The following LMX1B variants were observed in gnomAD, a reference collection of about 807,000 sequenced individuals.
LMX1B encodes LIM homeobox transcription factor 1-beta.
In LMX1B, 12 loss-of-function variants were observed where a neutral mutation model predicts 51.4. That is an observed-to-expected ratio of 0.23 (90% CI 0.15 to 0.38). The LOEUF is 0.38. LMX1B is among the 10% of genes least tolerant of loss of function. LMX1B has a pLI of 1.00. For missense variants in LMX1B, 445 were observed against 571.1 expected, an observed-to-expected ratio of 0.78 and a Z score of 2.25; for synonymous variants, 237 against 235.4, an observed-to-expected ratio of 1.01 and a Z score of -0.06.
chr9:126,629,132 T>C (rs1303586845), intron 2 of LMX1B, among the ~76,000 whole-genome samples: 1 of 152,118 alleles, frequency 6.6e-6, no homozygotes, highest in Non-Finnish European at 1.5e-5. Flanking sequence ...GTGCTTTTTT[T>C]CTAAGCGTTC....
rs151199367 is a variant in LMX1B, at chr9:126,644,730, G to T, written c.326+29161G>T. Among the ~76,000 whole-genome samples the T allele has an allele frequency of 2.0e-3, 307 of 152,176 alleles. 1 individual carries two copies. Among genetic ancestry groups the T allele is most frequent in the African/African-American group, 6.9e-3 (288 of 41,510 alleles). On this transcript the variant is annotated intron_variant, in intron 2 of 7. Coordinates refer to ENST00000373474, the MANE Select transcript of LMX1B (RefSeq NM_001174147.2). ...GTGTCCCTGCCCTTCCCTGAGCCTC[G>T]GCTTCCCTGTCTGTAAAATGGGACC...
chr9:126,689,287 C>T (rs909855047), intron 2 of LMX1B, among the ~76,000 whole-genome samples: 2 of 152,186 alleles, frequency 1.3e-5, no homozygotes, highest in African/African-American at 2.4e-5. Context: ...CCCACCAGCT[C>T]GCCGTGGGCG....
rs34434402 is a variant in LMX1B at position 126,691,055 on chromosome 9, C to A, written c.546C>A (p.Asp182Glu). 1 of 1,610,918 alleles carries A rather than the reference C, an allele frequency of 6.2e-7. No homozygotes were observed. Among genetic ancestry groups the A allele is most frequent in the African/African-American group, 1.3e-5 (1 of 74,824 alleles). ...EKDLLSSVSPDESDSVKSEDE... is the reference protein window; with the variant it reads ...EKDLLSSVSPEESDSVKSEDE... ...ACCTGCTCAGCTCCGTGAGCCCCGA[C>A]GAGTCCGACTCCGGTGAGGCCTGGC... is the stretch of plus-strand genomic sequence containing the variant. Residue 182 changes from aspartate to glutamate, a missense_variant, in exon 3 of 8, where the codon GAC becomes GAA. This residue lies in a region of LMX1B where 273 missense variants were observed against 343.3 expected (regional missense o/e 0.80). Transcript: ENST00000373474.
At chr9:126,640,030 T>A (rs1399150912) in intron 2 of LMX1B, among the ~76,000 whole-genome samples, 1 of 152,238 alleles carries the variant, frequency 6.6e-6, no homozygotes, top group Admixed American at 6.5e-5. Flanking sequence ...AATTCCTCCT[T>A]AACGCAGTTA....
chr9:126,634,245 C>A (rs772681560), intron 2 of LMX1B, among the ~76,000 whole-genome samples: 7 of 152,194 alleles, frequency 4.6e-5, no homozygotes, highest in Non-Finnish European at 1.0e-4. Flanking sequence ...GTGAGGGCAC[C>A]TGGAAGGCAC....
chr9:126,646,964 C>CTAACACATTTTT (rs1204830064), intron 2 of LMX1B, among the ~76,000 whole-genome samples: 4 of 152,214 alleles, frequency 2.6e-5, no homozygotes, highest in African/African-American at 9.6e-5. Flanking sequence ...AAAGGAAAGA[C>CTAACACATTTTT]TAACACATTT....
chr9:126,652,492 G>A (rs1040157545), intron 2 of LMX1B, among the ~76,000 whole-genome samples: 2 of 152,258 alleles, frequency 1.3e-5, no homozygotes, highest in Non-Finnish European at 2.9e-5. Context: ...GTGTCCACAC[G>A]GGAACGTGGC....
chr9:126,620,596 C>A (rs1008421954), intron 2 of LMX1B, among the ~76,000 whole-genome samples: 2 of 152,108 alleles, frequency 1.3e-5, no homozygotes, highest in African/African-American at 4.8e-5. Context: ...GGCTCTTTCT[C>A]CTTTGGGGGC....
At chr9:126,631,009 C>T (rs1043140249) in intron 2 of LMX1B, among the ~76,000 whole-genome samples, 1 of 152,248 alleles carries the variant, frequency 6.6e-6, no homozygotes, top group African/African-American at 2.4e-5. Context: ...CCCCCTCCCA[C>T]GTGCCCCCGC....
chr9:126,617,629 C>T (rs112071354), intron 2 of LMX1B, among the ~76,000 whole-genome samples: 155 of 152,148 alleles, frequency 1.0e-3, no homozygotes, highest in African/African-American at 3.3e-3. Flanking sequence ...TAAGCATTTG[C>T]TACTGCTTTG....
In LMX1B at chr9:126,615,608, C is replaced by A; in HGVS notation, c.326+39C>A. The A allele has an allele frequency of 6.4e-7, 1 of 1,561,450 alleles. No individual in the cohort carries two copies. Among genetic ancestry groups the A allele is most frequent in the Non-Finnish European group, 8.7e-7 (1 of 1,151,170 alleles). On this transcript the variant is annotated intron_variant, in intron 2 of 7. Transcript: ENST00000373474. The surrounding 1 kb of genome is among the most constrained non-coding windows in gnomAD (Gnocchi z 6.0). ...GTCCTCCTTCCCCGCCACCGCCCGG[C>A]ACTCGAGCCCGGTCAGCCCCCTGCC...
chr9:126,637,737 C>T (rs957468705), intron 2 of LMX1B, among the ~76,000 whole-genome samples: 2 of 151,344 alleles, frequency 1.3e-5, no homozygotes, highest in Admixed American at 6.6e-5. Context: ...CAGGTTTCGG[C>T]GGGAATTTCC....
intron 2 of LMX1B, among the ~76,000 whole-genome samples, chr9:126,688,455 C>T (rs957938120): frequency 3.3e-5 from 5 of 152,222 alleles, no homozygotes; most frequent in African/African-American, 7.2e-5. Flanking sequence ...ACTCAGAGGC[C>T]GCAGAGGTCA....
chr9:126,634,696 T>C (rs1338176142), intron 2 of LMX1B, among the ~76,000 whole-genome samples: 2 of 152,290 alleles, frequency 1.3e-5, no homozygotes, highest in African/African-American at 4.8e-5. Flanking sequence ...GGTACAGCTA[T>C]TCCTACTGTC....
At chr9:126,627,696 G>C (rs1322671973) in intron 2 of LMX1B, among the ~76,000 whole-genome samples, 2 of 152,130 alleles carry the variant, frequency 1.3e-5, no homozygotes, top group African/African-American at 4.8e-5. Context: ...GAGTGCAGCA[G>C]GGCCACACTC....
intron 3 of LMX1B, among the ~76,000 whole-genome samples, chr9:126,692,535 G>A (rs995386772): frequency 5.9e-5 from 9 of 152,222 alleles, no homozygotes; most frequent in Non-Finnish European, 1.0e-4. Flanking sequence ...GTTCCTGCCC[G>A]TGAGCATGGG....
In LMX1B at chr9:126,695,741, G is replaced by A. The variant is rs2030303166; in HGVS notation, c.887-98G>A. ...TGGACAGCTTCAGCCAGAGTGGGGT[G>A]CCTGGGGAGTCCCAAGGAGATCAGA... On this transcript the variant is annotated intron_variant, in intron 6 of 7. Transcript: ENST00000373474. This position sits in a 1 kb window ranked among gnomAD's most constrained non-coding sequence, Gnocchi z 5.2. 1.5e-6 allele frequency: 2 copies of A among 1,373,416 alleles called. No individual in the cohort carries two copies. The highest frequency in any genetic ancestry group is 1.3e-5 in the South Asian group (1 of 78,468). The allele number at this position is 1,373,416 out of a possible 1,614,324, so 85.1% of individuals were successfully genotyped here. A position where few individuals can be genotyped will look rare whatever the true frequency, so the allele number is the denominator to read the frequency against.
At chr9:126,692,158 C>T (rs548863819) in intron 3 of LMX1B, among the ~76,000 whole-genome samples, 2 of 152,336 alleles carry the variant, frequency 1.3e-5, no homozygotes, top group South Asian at 4.1e-4. Context: ...GAGCCCACCA[C>T]CATCTGTCCC....
intron 2 of LMX1B, among the ~76,000 whole-genome samples, chr9:126,647,638 G>T (rs778769689): frequency 5.3e-5 from 8 of 152,220 alleles, no homozygotes; most frequent in Admixed American, 2.0e-4. Flanking sequence ...GCTTCAGGGG[G>T]AAATCCATGA....
Sources: allele counts gnomAD v4.1 joint callset (sites outside exome capture counted in the v4.1 genomes callset), GRCh38; gene constraint gnomAD v4.1.1; regional missense constraint gnomAD v4.1.1; non-coding constraint Gnocchi (gnomAD v3.1); transcripts MANE v1.5; gene names NCBI Gene and HGNC (gene_info 2026-07-23, HGNC 2026-07-21).